The following MARS1 variants were observed in gnomAD, a reference collection of about 807,000 sequenced individuals.
MARS1 encodes methionyl-tRNA synthetase 1.
Under a neutral mutation model 119.5 loss-of-function variants are expected in MARS1, and 80 were observed. The observed-to-expected ratio is 0.67, with a 90% CI of 0.56 to 0.81. The LOEUF is 0.81. Among genes scored for constraint, MARS1 ranks in the 30% least tolerant of loss-of-function variants. MARS1 has a pLI of 0.00. For synonymous variants in MARS1, 418 were observed against 433.4 expected (o/e 0.96, Z 0.44); for missense variants, 945 against 1,116.5 (o/e 0.85, Z 2.19).
chr12:57,515,832 A>C, intron 18 of MARS1, 88 bp from the exon 19 acceptor site: 3 of 936,712 alleles, frequency 3.2e-6, no homozygotes, highest in Non-Finnish European at 1.7e-6. Flanking sequence ...AAAACACATC[A>C]GAGATTGGGG....
chr12:57,502,809 C>T (rs896863569), intron 10 of MARS1, among the ~76,000 whole-genome samples: 3 of 151,052 alleles, frequency 2.0e-5, no homozygotes, highest in Admixed American at 6.6e-5. Context: ...GGGCAGATCA[C>T]GAGATCAGGA....
intron 10 of MARS1, among the ~76,000 whole-genome samples, chr12:57,501,872 G>T (rs1187847156): frequency 1.3e-5 from 2 of 151,584 alleles, no homozygotes; most frequent in Non-Finnish European, 2.9e-5. Flanking sequence ...GCGCACACCT[G>T]TAATCCCAGC....
rs1349993457 is a variant in MARS1, at chr12:57,490,617, C to T, written c.743C>T (p.Pro248Leu). The change falls in exon 7 of 21, where the codon CCC becomes CTC. Residue 248 changes from proline to leucine, a missense_variant. Coordinates refer to ENST00000262027, the MANE Select transcript of MARS1 (RefSeq NM_004990.4). ...TGGGAGAAGGGCCTAGAAAGTTTGC[C>T]CCCGCTGCGGCCCCAGCAGAATCCA... is the stretch of plus-strand genomic sequence containing the variant. ...TAWEKGLESLPPLRPQQNPVL... is the reference protein window; with the variant it reads ...TAWEKGLESLLPLRPQQNPVL... 1.4e-5 allele frequency: 23 copies of T among 1,613,866 alleles called. No individual in the cohort carries two copies. Among genetic ancestry groups the T allele is most frequent in the Non-Finnish European group, 1.9e-5 (22 of 1,179,996 alleles).
chr12:57,514,113 G>T (rs1000825893), intron 15 of MARS1, among the ~76,000 whole-genome samples: 2 of 147,266 alleles, frequency 1.4e-5, no homozygotes, highest in Non-Finnish European at 3.0e-5. Context: ...GTGTTTGTTT[G>T]ATAGCAGTTA....
intron 7 of MARS1, among the ~76,000 whole-genome samples, chr12:57,493,439 TACATA>T (rs1565639867): frequency 1.0e-3 from 1 of 1,002 alleles, no homozygotes; most frequent in Non-Finnish European, 0.025. Flanking sequence ...TATAATATAT[TACATA>T]ATATATAATA....
chr12:57,500,709 C>T (rs1383963150), intron 10 of MARS1, among the ~76,000 whole-genome samples, 187 bp downstream of exon 10: 1 of 152,156 alleles, frequency 6.6e-6, no homozygotes, highest in East Asian at 1.9e-4. Flanking sequence ...TTACTATGTG[C>T]TGAGCACTGT....
chr12:57,516,184 G>A (rs778841004), intron 19 of MARS1, 61 bp from the exon 20 acceptor site: 2 of 1,498,240 alleles, frequency 1.3e-6, no homozygotes, highest in East Asian at 4.5e-5. Flanking sequence ...CTGAGATGCT[G>A]TATAAAACTG....
chr12:57,496,733 T>A (rs1876653048), intron 7 of MARS1, among the ~76,000 whole-genome samples: 1 of 150,346 alleles, frequency 6.7e-6, no homozygotes, highest in African/African-American at 2.5e-5. Flanking sequence ...TGCTGTGTTG[T>A]GCCACTGCCC....
At chr12:57,495,432 C>T (rs1331346318) in intron 7 of MARS1, among the ~76,000 whole-genome samples, 1 of 150,922 alleles carries the variant, frequency 6.6e-6, no homozygotes, top group Non-Finnish European at 1.5e-5. Context: ...CTCCCCACAT[C>T]TCAGACCATG....
intron 7 of MARS1, 44 bp downstream of exon 7, chr12:57,490,688 G>C: frequency 6.4e-7 from 1 of 1,563,020 alleles, no homozygotes; most frequent in Non-Finnish European, 8.8e-7. Flanking sequence ...ATTTTGTAGT[G>C]GAAATTGTTG....
chr12:57,493,347 A>G (rs1195402399), intron 7 of MARS1, among the ~76,000 whole-genome samples: 15 of 81,030 alleles, frequency 1.9e-4, no homozygotes, highest in African/African-American at 8.7e-4. Flanking sequence ...ATGTTATATA[A>G]TATATATTAT....
intron 14 of MARS1, 46 bp downstream of exon 14, chr12:57,512,399 G>A: frequency 2.2e-6 from 3 of 1,340,796 alleles, no homozygotes; most frequent in Non-Finnish European, 2.1e-6. Context: ...TAGGAAATGA[G>A]GGGTGAGGCA....
chr12:57,514,367 G>A (rs768746224), intron 15 of MARS1, among the ~76,000 whole-genome samples: 7 of 151,974 alleles, frequency 4.6e-5, no homozygotes, highest in Admixed American at 1.3e-4. Context: ...CCATGGCCAG[G>A]CCAGGCTGGT....
At chr12:57,490,001 A>G in intron 5 of MARS1, 30 bp downstream of exon 5, 1 of 1,601,116 alleles carries the variant, frequency 6.2e-7, no homozygotes, top group Non-Finnish European at 8.6e-7. Context: ...CTCCAACCCT[A>G]GGAGCTTGGT....
At chr12:57,497,233 T>A (rs1266820712) in intron 7 of MARS1, among the ~76,000 whole-genome samples, 1 of 152,106 alleles carries the variant, frequency 6.6e-6, no homozygotes, top group African/African-American at 2.4e-5. Context: ...CGATATTCAG[T>A]TATGGAGAGA....
intron 19 of MARS1, 109 bp downstream of exon 19, chr12:57,516,100 G>A (rs746069656): frequency 1.0e-5 from 14 of 1,389,336 alleles, no homozygotes; most frequent in African/African-American, 7.1e-5. Context: ...TGGCCCTGCC[G>A]CTTCCTCACT....
At chr12:57,497,334 A>T (rs1876682790) in intron 7 of MARS1, among the ~76,000 whole-genome samples, 2 of 152,192 alleles carry the variant, frequency 1.3e-5, no homozygotes, top group Admixed American at 6.6e-5. Flanking sequence ...ATCTATTGGG[A>T]TATATAGCAG....
At chr12:57,488,507 C>T in intron 1 of MARS1, 7 of 1,460,852 alleles carry the variant, frequency 4.8e-6, no homozygotes, top group African/African-American at 1.4e-5. Flanking sequence ...AGGCATCCCC[C>T]TCTGCTCTTT....
chr12:57,495,043 G>T (rs975041319), intron 7 of MARS1, among the ~76,000 whole-genome samples: 3 of 152,058 alleles, frequency 2.0e-5, no homozygotes, highest in African/African-American at 7.2e-5. Context: ...ATGGGGTGGC[G>T]GCCGGGCAGA....
Sources: gnomAD v4.1 joint callset for allele counts (sites outside exome capture counted in the v4.1 genomes callset) on GRCh38, gnomAD v4.1.1 for gene constraint, MANE v1.5 for transcripts, NCBI Gene and HGNC (gene_info 2026-07-23, HGNC 2026-07-21) for gene names.